Variants in ANO3 observed in about 807,000 individuals in gnomAD.
ANO3 encodes the protein anoctamin 3.
ANO3 carries 99 observed loss-of-function variants against 144.8 expected under a neutral mutation model. That is an observed-to-expected ratio of 0.68 (90% CI 0.58 to 0.81). The LOEUF (loss-of-function observed/expected upper bound fraction) is 0.81, where lower values mean the gene tolerates loss of function less well. ANO3 is among the 30% of genes least tolerant of loss of function. ANO3 has a pLI of 0.00. For synonymous variants in ANO3, 414 were observed against 392.6 expected, an observed-to-expected ratio of 1.05 and a Z score of -0.64; for missense variants, 905 against 1,202.2, an observed-to-expected ratio of 0.75 and a Z score of 3.66.
At position 26,592,023 on chromosome 11, in the gene ANO3, C is replaced by T. The variant is rs187110579; in HGVS notation, c.1448-6342C>T. 5.7e-3 allele frequency among the ~76,000 whole-genome samples: 873 copies of T among 152,200 alleles called. 2 individuals carry two copies. Among genetic ancestry groups the T allele is most frequent in the Middle Eastern group, 0.024 (7 of 294 alleles). On this transcript the variant is annotated intron_variant, in intron 14 of 26. Transcript: ENST00000256737. ...ACCATGTCACCAGGGTGGAATAATTCCTTTCCCTCCTCTCAGGGACAGGTT... is the reference window on the plus strand; with the variant it reads ...ACCATGTCACCAGGGTGGAATAATTTCTTTCCCTCCTCTCAGGGACAGGTT...
rs1853454086 is a variant in ANO3, at chr11:26,272,203, TG to T, written c.155-37439del. On this transcript the variant is annotated intron_variant, in intron 1 of 27. Transcript: ENST00000672621. Reference sequence around the variant, plus strand: ...AACCTTGAATAACACATGGGATCCATGGGAAGTGCCACGGCGATGCTAGAAG... The same window carrying T: ...AACCTTGAATAACACATGGGATCCATGGAAGTGCCACGGCGATGCTAGAAG... Among the ~76,000 whole-genome samples the T allele has an allele frequency of 2.0e-5, 3 of 151,940 alleles. No individual in the cohort carries two copies. In the South Asian group the frequency reaches 6.3e-4, roughly 32 times the overall value.
At chr11:26,337,121 A>G (rs1855213749) in intron 1 of ANO3, among the ~76,000 whole-genome samples, 1 of 152,198 alleles carries the variant, frequency 6.6e-6, no homozygotes, top group Non-Finnish European at 1.5e-5. Context: ...AGTAAGAGTG[A>G]GCCAAACTAT....
chr11:26,618,664 G>T (rs749348973), intron 17 of ANO3, among the ~76,000 whole-genome samples: 1 of 152,004 alleles, frequency 6.6e-6, no homozygotes, highest in Non-Finnish European at 1.5e-5. Context: ...TCTCTTCTTG[G>T]CTAAAATTGT....
chr11:26,390,024 G>A (rs1856834649), intron 1 of ANO3, among the ~76,000 whole-genome samples: 1 of 151,830 alleles, frequency 6.6e-6, no homozygotes. Context: ...AAATAAGAAG[G>A]GAAAAAAGAA....
intron 1 of ANO3, among the ~76,000 whole-genome samples, chr11:26,215,638 C>A (rs1308074419): frequency 6.6e-6 from 1 of 151,986 alleles, no homozygotes; most frequent in East Asian, 1.9e-4. Flanking sequence ...AGTAATTCAA[C>A]ATTGCTACTA....
At chr11:26,392,001 C>T (rs1856893946) in intron 1 of ANO3, among the ~76,000 whole-genome samples, 1 of 151,990 alleles carries the variant, frequency 6.6e-6, no homozygotes, top group African/African-American at 2.4e-5. Flanking sequence ...AACAGCTCTC[C>T]ATTTTGTTTC....
rs80051542 is a variant in ANO3, at chr11:26,189,302, A to T, written c.126A>T (p.Glu42Asp). ...TCTCTGGTGATTCTAGTCAACTGGA[A>T]CTTCAGCACTCCAGTTCTGTCCCGA... is the stretch of plus-strand genomic sequence containing the variant. The change falls in exon 1 of 28, where the codon GAA (glutamate) becomes GAT (aspartate). Residue 42 changes from glutamate to aspartate, a missense_variant. Physicochemically the swap from Glu to Asp is conservative, Grantham distance 45. Transcript: ENST00000672621. 317 of 985,350 alleles carry T rather than the reference A, an allele frequency of 3.2e-4. No individual in the cohort carries two copies. In the African/African-American group the frequency reaches 5.2e-3, roughly 16 times the overall value. 61.0% of individuals were successfully genotyped at this position (985,350 alleles called of 1,614,324 possible).
At chr11:26,508,033 G>T in intron 4 of ANO3, 71 bp from the exon 5 acceptor site, 1 of 1,357,744 alleles carries the variant, frequency 7.4e-7, no homozygotes, top group South Asian at 1.4e-5. Flanking sequence ...GTGTTCAAAT[G>T]GCAGTAACTG....
chr11:26,605,916 G>A (rs11499773), intron 17 of ANO3, among the ~76,000 whole-genome samples: 2,025 of 151,392 alleles, frequency 0.013, 42 homozygotes, highest in African/African-American at 0.046. Flanking sequence ...TTTTGAAGGG[G>A]TTTTCATGTC....
chr11:26,539,607 A>G (rs1355541215), intron 10 of ANO3, among the ~76,000 whole-genome samples: 4 of 152,150 alleles, frequency 2.6e-5, no homozygotes, highest in African/African-American at 9.7e-5. Flanking sequence ...CAGGAGTGGC[A>G]TCCACATGTC....
chr11:26,438,611 A>AAAAAAAAAAAG (rs1858389442), intron 1 of ANO3, among the ~76,000 whole-genome samples: 9 of 35,508 alleles, frequency 2.5e-4, no homozygotes, highest in Non-Finnish European at 5.2e-4. Context: ...AAAAAAAAGA[A>AAAAAAAAAAAG]AAAAAAAAAA....
At chr11:26,355,777 C>A (rs561490224) in intron 1 of ANO3, among the ~76,000 whole-genome samples, 37 of 152,230 alleles carry the variant, frequency 2.4e-4, no homozygotes, top group African/African-American at 8.7e-4. Flanking sequence ...CCAGCCTGGT[C>A]TCGAACTTCT....
chr11:26,368,812 T>G (rs1401702785), intron 1 of ANO3, among the ~76,000 whole-genome samples: 1 of 152,144 alleles, frequency 6.6e-6, no homozygotes, highest in Non-Finnish European at 1.5e-5. Flanking sequence ...CCTTTATGTT[T>G]TTTGTTTTTT....
intron 4 of ANO3, among the ~76,000 whole-genome samples, chr11:26,500,652 G>A (rs1861156064): frequency 6.6e-6 from 1 of 151,888 alleles, no homozygotes; most frequent in South Asian, 2.1e-4. Context: ...GCTTATTTGT[G>A]TTTTTATTGT....
intron 1 of ANO3, among the ~76,000 whole-genome samples, chr11:26,376,974 G>T (rs1856430670): frequency 6.6e-6 from 1 of 152,134 alleles, no homozygotes; most frequent in Non-Finnish European, 1.5e-5. Context: ...GAATTTGTTT[G>T]TCTTGGCTGT....
chr11:26,214,971 T>C (rs1852007769), intron 1 of ANO3, among the ~76,000 whole-genome samples: 2 of 151,950 alleles, frequency 1.3e-5, no homozygotes, highest in Non-Finnish European at 2.9e-5. Flanking sequence ...ACCCATTTTA[T>C]ATTTAGACCA....
Position 26,231,542 on chromosome 11 carries a change from C to G in ANO3, c.154+42212C>G, listed in dbSNP as rs571630951. Among the ~76,000 whole-genome samples the G allele has an allele frequency of 1.6e-4, 24 of 152,286 alleles. No individual in the cohort carries two copies. The East Asian group carries it at 3.5e-3, about 22-fold the overall frequency. On this transcript the variant is annotated intron_variant, in intron 1 of 27. Coordinates refer to the ANO3 transcript ENST00000672621. ...CATTCATCAATTAGCAGTATTAATG[C>G]TCAAACTTAGATGTGTAATAGGGTA...
chr11:26,617,709 A>G (rs1048496933), intron 17 of ANO3, among the ~76,000 whole-genome samples: 1 of 152,234 alleles, frequency 6.6e-6, no homozygotes, highest in Non-Finnish European at 1.5e-5. Flanking sequence ...GGAGAAGATT[A>G]TAAAATGAAT....
chr11:26,301,134 G>A (rs1052273993), intron 1 of ANO3, among the ~76,000 whole-genome samples: 1 of 134,316 alleles, frequency 7.4e-6, no homozygotes, highest in Non-Finnish European at 1.5e-5. Context: ...TTACAAGTGT[G>A]AGCCACCACG....
Sources: gnomAD v4.1 joint callset for allele counts (sites outside exome capture counted in the v4.1 genomes callset) on GRCh38, gnomAD v4.1.1 for gene constraint, MANE v1.5 for transcripts, NCBI Gene and HGNC (gene_info 2026-07-23, HGNC 2026-07-21) for gene names.